Variants in CCDC68 observed in about 807,000 individuals in gnomAD.
CCDC68 encodes coiled-coil domain containing 68, also known as coiled-coil domain-containing protein 68.
In CCDC68, 45 loss-of-function variants were observed where a neutral mutation model predicts 47.1. The observed-to-expected ratio is 0.96, with a 90% CI of 0.75 to 1.23. The LOEUF (loss-of-function observed/expected upper bound fraction) is 1.23, where lower values mean the gene tolerates loss of function less well. Among genes scored for constraint, CCDC68 ranks in the 50% most tolerant of loss-of-function variants. The pLI is 0.00. For missense variants in CCDC68, 353 were observed against 373.6 expected, an observed-to-expected ratio of 0.94 and a Z score of 0.45; for synonymous variants, 131 against 129.5, an observed-to-expected ratio of 1.01 and a Z score of -0.08.
chr18:54,938,857 A>G (rs533257673), intron 4 of CCDC68, among the ~76,000 whole-genome samples: 1 of 152,334 alleles, frequency 6.6e-6, no homozygotes, highest in South Asian at 2.1e-4. Flanking sequence ...CATACACTAC[A>G]ATTATAATAA....
At chr18:54,918,751 A>G (rs2044000244) in intron 9 of CCDC68, among the ~76,000 whole-genome samples, 1 of 152,240 alleles carries the variant, frequency 6.6e-6, no homozygotes, top group Non-Finnish European at 1.5e-5. Flanking sequence ...ACAGAACCCC[A>G]AAACCAGATC....
chr18:54,947,378 C>T (rs79862131), intron 1 of CCDC68, among the ~76,000 whole-genome samples: 3,081 of 152,274 alleles, frequency 0.02, 114 homozygotes, highest in African/African-American at 0.069. Flanking sequence ...TTCAACCACC[C>T]CAGCTCTGCT....
At chr18:54,952,778 C>T (rs530943672) in intron 1 of CCDC68, among the ~76,000 whole-genome samples, 1 of 152,084 alleles carries the variant, frequency 6.6e-6, no homozygotes, top group African/African-American at 2.4e-5. Flanking sequence ...TTTGGGAGGC[C>T]GAGGCGAGCT....
chr18:54,919,235 A>G (rs1016099461), intron 9 of CCDC68, 36 bp downstream of exon 9: 1 of 1,506,698 alleles, frequency 6.6e-7, no homozygotes, highest in African/African-American at 1.4e-5. Context: ...CTGTAAACAT[A>G]CTGTCTACCA....
chr18:54,953,080 A>C (rs1190782719), intron 1 of CCDC68, among the ~76,000 whole-genome samples: 1 of 152,178 alleles, frequency 6.6e-6, no homozygotes, highest in Non-Finnish European at 1.5e-5. Context: ...GCATCATGCT[A>C]ACTGAAACAG....
At chr18:54,952,784 G>A (rs868616419) in intron 1 of CCDC68, among the ~76,000 whole-genome samples, 2 of 152,140 alleles carry the variant, frequency 1.3e-5, no homozygotes, top group African/African-American at 2.4e-5. Context: ...AGGCCGAGGC[G>A]AGCTGATCAC....
At chr18:54,941,171 A>G (rs1458239074) in intron 3 of CCDC68, 88 bp from the exon 4 acceptor site, 2 of 799,494 alleles carry the variant, frequency 2.5e-6, no homozygotes, top group East Asian at 2.5e-5. Flanking sequence ...GTACCTGATT[A>G]TCTAGAAAGT....
intron 8 of CCDC68, among the ~76,000 whole-genome samples, chr18:54,920,327 T>A (rs1395336921): frequency 6.6e-6 from 1 of 151,610 alleles, no homozygotes; most frequent in Non-Finnish European, 1.5e-5. Context: ...GAGGCGATCT[T>A]GGCTCACCGC....
Position 54,934,957 on chromosome 18 carries a change from A to C in CCDC68, c.472-9T>G, listed in dbSNP as rs746735319. The C allele has an allele frequency of 1.3e-6, 2 of 1,572,394 alleles. No individual in the cohort carries two copies. Among genetic ancestry groups the C allele is most frequent in the Non-Finnish European group, 1.7e-6 (2 of 1,163,570 alleles). On this transcript the variant is annotated splice_polypyrimidine_tract_variant and intron_variant, in intron 6 of 11. Transcript: ENST00000591504. The stretch of plus-strand genomic sequence containing the variant: ...TTTTCAAGCTTGTTAACCTATGGTC[A>C]GAGAATCAGTTGTGTTGTGAAAACT...
chr18:54,925,247 C>A lies in CCDC68; in HGVS notation c.683+3553G>T, dbSNP rs571420425. On this transcript the variant is annotated intron_variant, in intron 8 of 11. Transcript: ENST00000591504. The stretch of plus-strand genomic sequence containing the variant: ...TTTGTAAATGTAACCTTATGGTATA[C>A]CTATTCTTATATCTCCTTGTCCTCA... Among the ~76,000 whole-genome samples, 12 of 152,168 alleles carry A rather than the reference C, an allele frequency of 7.9e-5. No homozygotes were observed. The East Asian group carries it at 1.7e-3, about 22-fold the overall frequency.
intron 11 of CCDC68, 117 bp from the exon 12 acceptor site, chr18:54,904,532 T>G: frequency 1.3e-6 from 1 of 774,876 alleles, no homozygotes; most frequent in Non-Finnish European, 2.2e-6. Context: ...ACTAACTGCT[T>G]TGTTCTAAGA....
At chr18:54,916,523 C>T (rs959372270) in intron 10 of CCDC68, among the ~76,000 whole-genome samples, 4 of 152,052 alleles carry the variant, frequency 2.6e-5, no homozygotes, top group Non-Finnish European at 5.9e-5. Context: ...TGACAATTGG[C>T]AGAAAATCAA....
intron 4 of CCDC68, among the ~76,000 whole-genome samples, chr18:54,940,234 G>A (rs973948392): frequency 1.3e-5 from 2 of 152,190 alleles, no homozygotes; most frequent in African/African-American, 4.8e-5. Flanking sequence ...CGCAGCTCCA[G>A]AATCAGATGT....
At position 54,942,820 on chromosome 18, in the gene CCDC68, A is replaced by C; in HGVS notation, c.-12-17T>G. On this transcript the variant is annotated splice_polypyrimidine_tract_variant and intron_variant, in intron 2 of 11. Transcript: ENST00000591504. ...GAATTCTGGCTTTAGGAAAACATAA[A>C]TCAGCTAAGCAAAACAGACTGTTTT... 1 of 1,337,524 alleles carries C rather than the reference A, an allele frequency of 7.5e-7. No individual in the cohort carries two copies. The highest frequency in any genetic ancestry group is 1.1e-6 in the Non-Finnish European group (1 of 929,916). 82.9% of individuals were successfully genotyped at this position (1,337,524 alleles called of 1,614,324 possible).
chr18:54,909,789 C>T (rs183299259), intron 10 of CCDC68, among the ~76,000 whole-genome samples: 2 of 152,350 alleles, frequency 1.3e-5, no homozygotes, highest in Non-Finnish European at 2.9e-5. Context: ...CCGGGGAACA[C>T]GGTGGCACCC....
At chr18:54,936,750 A>G in intron 6 of CCDC68, 83 bp downstream of exon 6, 1 of 1,550,496 alleles carries the variant, frequency 6.4e-7, no homozygotes, top group South Asian at 1.2e-5. Context: ...TGCTTGTTTC[A>G]TTTCTAACTC....
chr18:54,938,182 T>C (rs1052758486), intron 4 of CCDC68, 85 bp from the exon 5 acceptor site: 19 of 1,291,190 alleles, frequency 1.5e-5, no homozygotes, highest in Admixed American at 2.6e-5. Context: ...TAGTATTACA[T>C]ATATCAAAGA....
rs562965366 is a variant in CCDC68 at position 54,959,395 on chromosome 18, C to T, written c.-162G>A. ...GCTGCTCCTCCCCTGGGCGATCGGA[C>T]CTTGGGGCCAGGGTCGGCTGCCAGG... On this transcript the variant is annotated 5_prime_UTR_variant, in exon 1 of 12. Transcript: ENST00000591504. 1.3e-5 allele frequency: 2 copies of T among 148,390 alleles called. No homozygotes were observed. The highest frequency in any genetic ancestry group is 6.6e-5 in the Admixed American group (1 of 15,190). The allele number at this position is 148,390 out of a possible 1,614,324, so 9.2% of individuals were successfully genotyped here.
chr18:54,936,930 G>T lies in CCDC68; in HGVS notation c.374C>A (p.Ala125Glu). ...TCTCTGGGCCACGTTTCTCAGAGCT[G>T]CTGCTCCTGCTTCTCTGGAGGCTTG... is the stretch of plus-strand genomic sequence containing the variant. ...KLQASREAGA[A>E]ALRNVAQRLF... Residue 125 changes from alanine (A) to glutamate (E), a missense_variant, in exon 6 of 12, where the codon GCA (alanine) becomes GAA (glutamate). Ala to Glu is a moderately radical substitution (Grantham distance 107). Transcript: ENST00000591504. 6.2e-7 allele frequency: 1 copy of T among 1,614,084 alleles called. No individual in the cohort carries two copies. Among genetic ancestry groups the T allele is most frequent in the Non-Finnish European group, 8.5e-7 (1 of 1,179,986 alleles).
Sources: allele counts gnomAD v4.1 joint callset (sites outside exome capture counted in the v4.1 genomes callset), GRCh38; gene constraint gnomAD v4.1.1; transcripts MANE v1.5; gene names NCBI Gene and HGNC (gene_info 2026-07-23, HGNC 2026-07-21).